The following TRIO variants were observed in gnomAD, a reference collection of about 807,000 sequenced individuals.
TRIO encodes the protein triple functional domain protein.
Under a neutral mutation model 351.9 loss-of-function variants are expected in TRIO, and 58 were observed. The ratio of observed to expected loss-of-function variants is 0.16; its 90% confidence interval spans 0.13 to 0.21. The LOEUF (loss-of-function observed/expected upper bound fraction) is 0.21, where lower values mean the gene tolerates loss of function less well. Ranked by LOEUF, TRIO falls within the 10% of genes least tolerant of loss-of-function variation. The probability of loss-of-function intolerance (pLI) is 1.00; values close to 1 mark genes in which losing one functional copy is unlikely to be tolerated. For missense variants in TRIO, 3,201 were observed against 4,027.8 expected (o/e 0.79, Z 5.56); for synonymous variants, 1,758 against 1,595.7 (o/e 1.10, Z -2.42).
intron 2 of TRIO, among the ~76,000 whole-genome samples, chr5:14,280,077 C>T (rs995538751): frequency 2.6e-5 from 4 of 152,102 alleles, no homozygotes; most frequent in African/African-American, 9.7e-5. Flanking sequence ...TTTCCCAAAA[C>T]ATTGGAAGAA....
chr5:14,287,170 G>C, intron 4 of TRIO, 107 bp downstream of exon 4: 5 of 1,068,800 alleles, frequency 4.7e-6, no homozygotes, highest in Non-Finnish European at 6.8e-6. Context: ...TTAAACAGGA[G>C]CTGCATATCT....
At chr5:14,465,669 T>C (rs756752352) in intron 37 of TRIO, 29 bp downstream of exon 37, 1 of 1,611,724 alleles carries the variant, frequency 6.2e-7, no homozygotes, top group Non-Finnish European at 8.5e-7. Flanking sequence ...AGTCTGACTT[T>C]TGGAAGCTGC....
intron 1 of TRIO, among the ~76,000 whole-genome samples, chr5:14,188,971 T>C (rs1001249650): frequency 1.1e-4 from 17 of 152,234 alleles, no homozygotes; most frequent in African/African-American, 4.1e-4. Flanking sequence ...TTCATTGTAG[T>C]GAAAATGTTT....
At chr5:14,469,593 AGACAGCCTTAGGCTGGT>A (rs1181367944) in intron 37 of TRIO, among the ~76,000 whole-genome samples, 6 of 152,270 alleles carry the variant, frequency 3.9e-5, no homozygotes, top group African/African-American at 1.4e-4. Flanking sequence ...TGCAGTTTTG[AGACAGCCTTAGGCTGGT>A]GACAGCCTTC....
At chr5:14,212,288 G>A (rs182469314) in intron 1 of TRIO, among the ~76,000 whole-genome samples, 1 of 152,286 alleles carries the variant, frequency 6.6e-6, no homozygotes, top group Admixed American at 6.5e-5. Context: ...CTGAGGACCA[G>A]AAAAATTTCC....
At chr5:14,422,336 CCTT>C (rs1750239220) in intron 34 of TRIO, among the ~76,000 whole-genome samples, 2 of 152,200 alleles carry the variant, frequency 1.3e-5, no homozygotes, top group African/African-American at 2.4e-5. Flanking sequence ...ACTGCTCTGA[CCTT>C]CTAGGCAGGA....
intron 21 of TRIO, among the ~76,000 whole-genome samples, chr5:14,386,101 C>T (rs555901377): frequency 2.0e-5 from 3 of 152,312 alleles, no homozygotes; most frequent in African/African-American, 7.2e-5. Flanking sequence ...CTATGGGAAG[C>T]AGCAGAGCAG....
At chr5:14,234,394 C>T (rs1007314602) in intron 1 of TRIO, among the ~76,000 whole-genome samples, 4 of 152,138 alleles carry the variant, frequency 2.6e-5, no homozygotes, top group African/African-American at 7.2e-5. Context: ...GGGGTGGTAG[C>T]TGCCCTGGCA....
chr5:14,426,208 C>T (rs946305886), intron 34 of TRIO, among the ~76,000 whole-genome samples: 2 of 145,130 alleles, frequency 1.4e-5, no homozygotes, highest in South Asian at 2.3e-4. Flanking sequence ...CAAGACCTTT[C>T]GTCTCATAGA....
At chr5:14,482,227 T>C (rs935479204) in intron 45 of TRIO, among the ~76,000 whole-genome samples, 12 of 152,042 alleles carry the variant, frequency 7.9e-5, no homozygotes, top group Non-Finnish European at 1.5e-4. Context: ...ACAGAGGCCG[T>C]TGGAGGGCTT....
At chr5:14,321,906 A>G (rs1038883852) in intron 9 of TRIO, among the ~76,000 whole-genome samples, 1 of 152,210 alleles carries the variant, frequency 6.6e-6, no homozygotes, top group Non-Finnish European at 1.5e-5. Context: ...CATGTAAGAC[A>G]TGCCTTTGCT....
chr5:14,468,903 C>G (rs941598399), intron 37 of TRIO, among the ~76,000 whole-genome samples: 2 of 152,124 alleles, frequency 1.3e-5, no homozygotes, highest in South Asian at 4.2e-4. Context: ...AATGAAAGCC[C>G]CCCTGAAAAC....
chr5:14,403,684 G>GTGGTGAGGGTGCTGGTT (rs1748407192), intron 31 of TRIO, among the ~76,000 whole-genome samples: 1 of 113,152 alleles, frequency 8.8e-6, no homozygotes, highest in African/African-American at 4.3e-5. Flanking sequence ...GGGTGCAGGT[G>GTGGTGAGGGTGCTGGTT]GTGGTGAGGG....
Position 14,304,548 on chromosome 5 carries a change from C to T in TRIO, c.1456C>T (p.His486Tyr). ...ELQDLEDAIH[H>Y]HQGIYEHITL... is the part of the protein sequence containing the mutation. ...GCAGGACCTAGAAGATGCCATTCAT[C>T]ACCACCAGGGAATATATGAACATAT... Residue 486 changes from histidine (H) to tyrosine (Y), a missense_variant, in exon 8 of 57, where the codon CAC becomes TAC. His to Tyr is a moderately conservative substitution (Grantham distance 83, BLOSUM62 2). Transcript: ENST00000344204. The T allele has an allele frequency of 1.2e-6, 2 of 1,614,080 alleles. No homozygotes were observed. Among genetic ancestry groups the T allele is most frequent in the Non-Finnish European group, 1.7e-6 (2 of 1,179,990 alleles).
At chr5:14,344,294 A>G (rs1024104417) in intron 11 of TRIO, among the ~76,000 whole-genome samples, 4 of 152,238 alleles carry the variant, frequency 2.6e-5, no homozygotes, top group African/African-American at 9.6e-5. Context: ...TGCGGTATCT[A>G]GCGTGGCATA....
intron 11 of TRIO, among the ~76,000 whole-genome samples, chr5:14,346,637 G>C (rs1028422223): frequency 1.3e-5 from 2 of 152,214 alleles, no homozygotes; most frequent in Non-Finnish European, 2.9e-5. Context: ...GAATGAACAA[G>C]TTATAATGTG....
chr5:14,501,405 G>A (rs1237987622), intron 53 of TRIO, among the ~76,000 whole-genome samples: 1 of 152,230 alleles, frequency 6.6e-6, no homozygotes, highest in Non-Finnish European at 1.5e-5. Flanking sequence ...TTGAGGCTTT[G>A]TGTGTGCCAG....
intron 27 of TRIO, 30 bp downstream of exon 27, chr5:14,391,020 AT>A: frequency 6.5e-7 from 1 of 1,543,950 alleles, no homozygotes; most frequent in Non-Finnish European, 8.7e-7. Context: ...AGAGACCATA[AT>A]TTTCCAAGTT....
intron 1 of TRIO, among the ~76,000 whole-genome samples, chr5:14,187,484 C>A (rs1790193751): frequency 6.6e-6 from 1 of 152,230 alleles, no homozygotes; most frequent in Middle Eastern, 3.4e-3. Flanking sequence ...GACATCTCCC[C>A]CATAATTGAC....
Sources: allele counts gnomAD v4.1 joint callset (sites outside exome capture counted in the v4.1 genomes callset), GRCh38; gene constraint gnomAD v4.1.1; transcripts MANE v1.5; gene names NCBI Gene and HGNC (gene_info 2026-07-23, HGNC 2026-07-21).